Variants in USP42 observed in about 807,000 individuals in gnomAD.
The protein encoded by USP42 is ubiquitin carboxyl-terminal hydrolase 42.
A neutral mutation model predicts 113.0 loss-of-function variants in USP42; 23 were observed. The ratio of observed to expected loss-of-function variants is 0.20; its 90% CI spans 0.15 to 0.29. The LOEUF (loss-of-function observed/expected upper bound fraction) is 0.29. Ranked by LOEUF, USP42 falls within the 10% of genes least tolerant of loss-of-function variation. The probability of loss-of-function intolerance (pLI) is 1.00; values close to 1 mark genes in which losing one functional copy is unlikely to be tolerated. For synonymous variants in USP42, 933 were observed against 699.0 expected, an observed-to-expected ratio of 1.33 and a Z score of -5.28; for missense variants, 2,174 against 1,779.8, an observed-to-expected ratio of 1.22 and a Z score of -3.99.
chr7:6,118,742 C>T (rs1042046535), intron 3 of USP42, among the ~76,000 whole-genome samples: 1 of 152,040 alleles, frequency 6.6e-6, no homozygotes, highest in African/African-American at 2.4e-5. Context: ...GAAACATAAT[C>T]CTTTTGTCAC....
upstream of USP42, among the ~76,000 whole-genome samples, chr7:6,100,090 C>T (rs867245596): frequency 6.7e-6 from 1 of 148,974 alleles, no homozygotes; most frequent in Non-Finnish European, 1.5e-5. Context: ...TGGCCTCAAG[C>T]GATCTTCCGG....
chr7:6,119,836 C>T (rs1780115325), intron 3 of USP42, among the ~76,000 whole-genome samples: 1 of 152,016 alleles, frequency 6.6e-6, no homozygotes, highest in Admixed American at 6.6e-5. Flanking sequence ...CATGAATAGC[C>T]AGGACTACAG....
At chr7:6,118,978 G>T (rs531310305) in intron 3 of USP42, among the ~76,000 whole-genome samples, 1 of 152,080 alleles carries the variant, frequency 6.6e-6, no homozygotes, top group Admixed American at 6.6e-5. Context: ...GTTTTGGGAG[G>T]CTGAGGCAGG....
chr7:6,150,251 T>G lies in USP42; in HGVS notation c.2055T>G (p.Pro685=). The change falls in exon 13 of 18, where the codon CCT becomes CCG. Residue 685 remains proline (P), a synonymous_variant. Coordinates refer to ENST00000306177, the MANE Select transcript of USP42 (RefSeq NM_032172.3). ...APDGASCQGQ[P]ALHSENPFAK... ...ATGGTGCCAGCTGCCAAGGCCAGCC[T>G]GCCCTGCACTCAGAAAATCCCTTTG... The G allele has an allele frequency of 6.2e-7, 1 of 1,613,716 alleles. No homozygotes were observed. Among genetic ancestry groups the G allele is most frequent in the South Asian group, 1.1e-5 (1 of 91,078 alleles).
chr7:6,139,209 GCGCCAGCCATGTCTT>G lies in USP42; in HGVS notation c.656+17_656+31del, dbSNP rs796517486. ...GGCAGCAATAAGTAAGTACAACAGA[GCGCCAGCCATGTCTT>G]CATTGGGGATCTCTGGTTGTAGTTT... On this transcript the variant is annotated intron_variant, in intron 5 of 17. Transcript: ENST00000306177. The surrounding 1 kb of genome is among the most constrained non-coding windows in gnomAD (Gnocchi z 4.5). 2.6e-6 allele frequency: 4 copies of G among 1,557,832 alleles called. No homozygotes were observed. The South Asian group carries it at 3.6e-5, about 14-fold the overall frequency.
In USP42 at chr7:6,161,403, TAC is replaced by T. The variant is rs1392983794; in HGVS notation, c.*887_*888del. 1.3e-5 allele frequency: 2 copies of T among 152,656 alleles called. No individual in the cohort carries two copies. The highest frequency in any genetic ancestry group is 2.9e-5 in the Non-Finnish European group (2 of 68,048). The allele number at this position is 152,656 out of a possible 1,614,324, so 9.5% of individuals were successfully genotyped here. A position where few individuals can be genotyped will look rare whatever the true frequency, so the allele number is the denominator to read the frequency against. On this transcript the variant is annotated 3_prime_UTR_variant, in exon 18 of 18. Transcript: ENST00000306177. ...ATGGAGTGGGGAAAACTGTATTTAA[TAC>T]AGTTTGTATCTGAATAATCTGTATG...
chr7:6,092,050 C>CTT, the USP42 span, among the ~76,000 whole-genome samples: 519 of 73,344 alleles, frequency 7.1e-3, 9 homozygotes, highest in Non-Finnish European at 0.012. Flanking sequence ...TCTTCTTCTT[C>CTT]TTCTTTCTTC....
In USP42 at chr7:6,146,149, C is replaced by G; in HGVS notation, c.1133C>G (p.Ala378Gly). Residue 378 changes from alanine (A) to glycine (G), a missense_variant and splice_region_variant, in exon 11 of 18, where the codon GCT becomes GGT. By Grantham distance (60) the Ala-to-Gly change is moderately conservative (BLOSUM62 0). Coordinates refer to ENST00000306177, the MANE Select transcript of USP42 (RefSeq NM_032172.3). ...TCTTTTATTGGCTCTCATTTATAGG[C>G]TAGCAATGGCCTCTGGTATCAAATG... ...HAGHYFCYIK[A>G]SNGLWYQMND... The G allele has an allele frequency of 6.3e-7, 1 of 1,579,260 alleles. No homozygotes were observed. Among genetic ancestry groups the G allele is most frequent in the Non-Finnish European group, 8.6e-7 (1 of 1,160,050 alleles).
At chr7:6,113,353 A>G (rs1779704282) in intron 2 of USP42, among the ~76,000 whole-genome samples, 1 of 152,116 alleles carries the variant, frequency 6.6e-6, no homozygotes, top group African/African-American at 2.4e-5. Flanking sequence ...GGACTTTCCC[A>G]CAGGACCTCT....
chr7:6,131,327 T>A (rs980023661), intron 3 of USP42, among the ~76,000 whole-genome samples: 1 of 151,896 alleles, frequency 6.6e-6, no homozygotes, highest in African/African-American at 2.4e-5. Flanking sequence ...ATACAAACAT[T>A]AGCCGGGTAT....
chr7:6,130,608 G>C (rs934588230), intron 3 of USP42, among the ~76,000 whole-genome samples: 2 of 152,294 alleles, frequency 1.3e-5, no homozygotes, highest in East Asian at 3.9e-4. Flanking sequence ...CGTTAACCCA[G>C]TATGGGTTAG....
rs762154876 is a variant in USP42, at chr7:6,154,546, C to G, written c.2992C>G (p.His998Asp). The G allele has an allele frequency of 6.5e-7, 1 of 1,547,124 alleles. No homozygotes were observed. The highest frequency in any genetic ancestry group is 8.7e-7 in the Non-Finnish European group (1 of 1,147,432). Residue 998 changes from histidine to aspartate, a missense_variant, in exon 15 of 18, where the codon CAC becomes GAC. His to Asp is a moderately conservative substitution (Grantham distance 81). Coordinates refer to ENST00000306177, the MANE Select transcript of USP42 (RefSeq NM_032172.3). ...CCGCCAGGACCGCCACGCCCCGGAG[C>G]ACCACCCCGGCCACGGCGACAGGCT... ...RDRQDRHAPE[H>D]HPGHGDRLSP...
At chr7:6,137,027 AT>A (rs1160827907) in intron 4 of USP42, among the ~76,000 whole-genome samples, 1 of 152,206 alleles carries the variant, frequency 6.6e-6, no homozygotes, top group Non-Finnish European at 1.5e-5. Flanking sequence ...TGAATTTTAA[AT>A]GGGTAAGTGC....
In USP42 at chr7:6,153,939, C is replaced by T. The variant is rs1202569960; in HGVS notation, c.2385C>T (p.Ala795=). 8.8e-6 allele frequency: 14 copies of T among 1,598,208 alleles called. No individual in the cohort carries two copies. Among genetic ancestry groups the T allele is most frequent in the Non-Finnish European group, 9.4e-6 (11 of 1,175,240 alleles). ...AAGAAGGCGCCTGGGAGGCCATGGC[C>T]GTCGCCCCCGAGGAGCCTCCGCCCA... The part of the protein sequence containing the change: ...ATKEGAWEAM[A]VAPEEPPPSA... The change falls in exon 15 of 18, where the codon GCC becomes GCT. Residue 795 remains alanine (A), a synonymous_variant. Coordinates refer to ENST00000306177, the MANE Select transcript of USP42 (RefSeq NM_032172.3).
the USP42 span, among the ~76,000 whole-genome samples, chr7:6,093,743 T>G: frequency 9.5e-4 from 143 of 150,832 alleles, no homozygotes; most frequent in Middle Eastern, 0.01. Context: ...TAGGTACTTC[T>G]TTTGAATGTA....
chr7:6,145,622 A>G lies in USP42; in HGVS notation c.1097A>G (p.Asn366Ser). The G allele has an allele frequency of 6.2e-7, 1 of 1,613,976 alleles. No individual in the cohort carries two copies. Among genetic ancestry groups the G allele is most frequent in the Non-Finnish European group, 8.5e-7 (1 of 1,179,876 alleles). Residue 366 changes from asparagine (N) to serine (S), a missense_variant, in exon 10 of 18, where the codon AAT (asparagine) becomes AGT (serine). By Grantham distance (46) the Asn-to-Ser change is conservative. Transcript: ENST00000306177. Reference protein sequence around the residue: ...LYAVLVHTGFNCHAGHYFCYI... With the variant: ...LYAVLVHTGFSCHAGHYFCYI... ...GCAGTGCTGGTCCACACTGGTTTTAATTGCCATGCTGGCCATTACTTCTGC... is the reference window on the plus strand; with the variant it reads ...GCAGTGCTGGTCCACACTGGTTTTAGTTGCCATGCTGGCCATTACTTCTGC...
chr7:6,086,202 ATT>A, the USP42 span, among the ~76,000 whole-genome samples: 13 of 122,602 alleles, frequency 1.1e-4, no homozygotes, highest in Admixed American at 2.4e-4. Flanking sequence ...CACCTGGCTA[ATT>A]TTTTTTTTTT....
At chr7:6,127,955 T>C (rs1033359219) in intron 3 of USP42, among the ~76,000 whole-genome samples, 3 of 152,104 alleles carry the variant, frequency 2.0e-5, no homozygotes, top group African/African-American at 7.2e-5. Context: ...CAGAATCTTG[T>C]TCTGTGACCC....
chr7:6,135,531 G>A (rs1467329228), intron 3 of USP42, among the ~76,000 whole-genome samples: 3 of 151,178 alleles, frequency 2.0e-5, no homozygotes, highest in Non-Finnish European at 4.4e-5. Flanking sequence ...GCATGTAGTA[G>A]TCCCAGCTAC....
Sources: allele counts gnomAD v4.1 joint callset (sites outside exome capture counted in the v4.1 genomes callset), GRCh38; gene constraint gnomAD v4.1.1; non-coding constraint Gnocchi (gnomAD v3.1); transcripts MANE v1.5; gene names NCBI Gene and HGNC (gene_info 2026-07-23, HGNC 2026-07-21).